The following DAB1 variants were observed in gnomAD, a reference collection of about 807,000 sequenced individuals.
The protein encoded by DAB1 is disabled homolog 1.
A neutral mutation model predicts 64.6 loss-of-function variants in DAB1; 15 were observed. That is an observed-to-expected ratio of 0.23 (90% confidence interval 0.16 to 0.36). DAB1 has a LOEUF of 0.36. Among genes scored for constraint, DAB1 ranks in the 10% least tolerant of loss-of-function variants. The pLI is 1.00. For synonymous variants in DAB1, 235 were observed against 251.9 expected, an observed-to-expected ratio of 0.93 and a Z score of 0.64; for missense variants, 596 against 706.7, an observed-to-expected ratio of 0.84 and a Z score of 1.78.
intron 5 of DAB1, among the ~76,000 whole-genome samples, chr1:58,058,193 T>G (rs1049880190): frequency 2.0e-5 from 3 of 152,170 alleles, no homozygotes; most frequent in African/African-American, 7.2e-5. Context: ...CATTAAGTGC[T>G]TACTACATAC....
At chr1:58,324,294 T>A (rs1229401803) in intron 4 of DAB1, among the ~76,000 whole-genome samples, 1 of 152,214 alleles carries the variant, frequency 6.6e-6, no homozygotes, top group East Asian at 1.9e-4. Flanking sequence ...ATTGTCCAAA[T>A]CAGATAGTAA....
At chr1:57,773,691 G>A (rs1244571386) in intron 6 of DAB1, among the ~76,000 whole-genome samples, 2 of 151,896 alleles carry the variant, frequency 1.3e-5, no homozygotes, top group East Asian at 1.9e-4. Flanking sequence ...TATGATATGC[G>A]ATGAGGGTCT....
intron 5 of DAB1, among the ~76,000 whole-genome samples, chr1:57,964,851 C>G (rs1053640959): frequency 3.9e-5 from 6 of 151,996 alleles, no homozygotes; most frequent in African/African-American, 9.7e-5. Context: ...TGTTCACTGT[C>G]TAGGGGAAGA....
chr1:58,116,871 G>C lies in DAB1; in HGVS notation n.387+33640C>G, dbSNP rs561168840. Among the ~76,000 whole-genome samples, 6 of 152,184 alleles carry C rather than the reference G, an allele frequency of 3.9e-5. No homozygotes were observed. The South Asian group carries it at 1.0e-3, about 26-fold the overall frequency. Reference sequence around the variant, plus strand: ...ATAATGATGACATAACTCATTTTTTGATTAAAAAATACAAGTTACACAAGG... The same window carrying C: ...ATAATGATGACATAACTCATTTTTTCATTAAAAAATACAAGTTACACAAGG... On this transcript the variant is annotated intron_variant and non_coding_transcript_variant, in intron 5 of 20. Transcript: ENST00000485760.
intron 4 of DAB1, among the ~76,000 whole-genome samples, chr1:58,232,666 C>T (rs1161806429): frequency 6.6e-6 from 1 of 152,112 alleles, no homozygotes; most frequent in Non-Finnish European, 1.5e-5. Flanking sequence ...TACTCGGTCT[C>T]AAAAGGTGGG....
chr1:57,419,344 C>CAA (rs1684726169), intron 1 of DAB1, among the ~76,000 whole-genome samples: 1 of 152,150 alleles, frequency 6.6e-6, no homozygotes, highest in South Asian at 2.1e-4. Flanking sequence ...GGACAGTTGA[C>CAA]AAACACACCT....
chr1:57,402,520 A>G (rs1683329799), intron 1 of DAB1, among the ~76,000 whole-genome samples: 1 of 152,170 alleles, frequency 6.6e-6, no homozygotes, highest in Admixed American at 6.5e-5. Context: ...GCAATACACC[A>G]GCTGGGGACT....
intron 5 of DAB1, among the ~76,000 whole-genome samples, chr1:58,125,493 T>A (rs1570385625): frequency 1.3e-5 from 2 of 150,842 alleles, no homozygotes; most frequent in Non-Finnish European, 2.9e-5. Context: ...CAGGCTGGAG[T>A]GCAGTGTTTG....
intron 6 of DAB1, among the ~76,000 whole-genome samples, chr1:57,734,346 T>G (rs1647580835): frequency 6.6e-6 from 1 of 152,206 alleles, no homozygotes; most frequent in South Asian, 2.1e-4. Context: ...GCAAACCTCT[T>G]AAGCTCTCTG....
chr1:58,497,327 A>T (rs1333653667), intron 3 of DAB1, among the ~76,000 whole-genome samples: 1 of 152,162 alleles, frequency 6.6e-6, no homozygotes. Context: ...TAATTTAAAC[A>T]GGCCAACTGT....
At position 58,171,126 on chromosome 1, in the gene DAB1, C is replaced by T. The variant is rs375052056; in HGVS notation, n.310-20538G>A. ...ACACCCTTATTAGGAAGGGATATAT[C>T]AGCCAAAGCTGGAGCTATTATCTAC... On this transcript the variant is annotated intron_variant and non_coding_transcript_variant, in intron 4 of 20. Transcript: ENST00000485760. 4.7e-4 allele frequency among the ~76,000 whole-genome samples: 72 copies of T among 152,106 alleles called. 1 individual carries two copies. The highest frequency in any genetic ancestry group is 1.7e-3 in the African/African-American group (71 of 41,482).
At chr1:57,606,534 T>C (rs1380387438) in intron 7 of DAB1, among the ~76,000 whole-genome samples, 1 of 117,030 alleles carries the variant, frequency 8.5e-6, no homozygotes, top group Admixed American at 1.1e-4. Flanking sequence ...ATATAATATA[T>C]ATGAAATATA....
intron 7 of DAB1, among the ~76,000 whole-genome samples, chr1:57,466,606 C>G (rs1001208061): frequency 9.2e-5 from 14 of 152,212 alleles, no homozygotes; most frequent in Admixed American, 9.2e-4. Context: ...AGTTAGAAGT[C>G]TGAGCAGACC....
At chr1:58,492,207 T>G (rs979543643) in intron 3 of DAB1, among the ~76,000 whole-genome samples, 1 of 152,176 alleles carries the variant, frequency 6.6e-6, no homozygotes, top group African/African-American at 2.4e-5. Context: ...AGATGTTCTT[T>G]GAAACCAACG....
At chr1:57,171,901 T>C (rs966616345) in intron 2 of DAB1, among the ~76,000 whole-genome samples, 2 of 152,166 alleles carry the variant, frequency 1.3e-5, no homozygotes, top group Non-Finnish European at 2.9e-5. Flanking sequence ...AACCATGAAT[T>C]GAGTGGCTTA....
chr1:57,813,501 G>C (rs140303004), intron 6 of DAB1, among the ~76,000 whole-genome samples: 3 of 152,200 alleles, frequency 2.0e-5, no homozygotes, highest in Non-Finnish European at 4.4e-5. Flanking sequence ...AGAGGAACAG[G>C]CAGATGTGTA....
chr1:57,253,258 C>T (rs75598121), intron 2 of DAB1, among the ~76,000 whole-genome samples: 2,371 of 152,250 alleles, frequency 0.016, 39 homozygotes, highest in Middle Eastern at 0.024. Flanking sequence ...TCCCCATTAC[C>T]GGCTGAGTGA....
intron 2 of DAB1, among the ~76,000 whole-genome samples, chr1:57,228,199 C>G (rs1434477788): frequency 6.6e-6 from 1 of 152,192 alleles, no homozygotes; most frequent in Non-Finnish European, 1.5e-5. Context: ...ATAGTCTTCA[C>G]TATTCTTGGA....
chr1:58,153,358 C>A (rs1655048424), intron 4 of DAB1, among the ~76,000 whole-genome samples: 1 of 152,300 alleles, frequency 6.6e-6, no homozygotes, highest in Non-Finnish European at 1.5e-5. Flanking sequence ...ATATCATTAT[C>A]CACATTGCAC....
Sources: allele counts gnomAD v4.1 joint callset (sites outside exome capture counted in the v4.1 genomes callset), GRCh38; gene constraint gnomAD v4.1.1; transcripts MANE v1.5; gene names NCBI Gene and HGNC (gene_info 2026-07-23, HGNC 2026-07-21).